TMEM131: variants seen among roughly 807,000 people sequenced by gnomAD.
TMEM131 encodes transmembrane protein 131.
A neutral mutation model predicts 211.6 loss-of-function variants in TMEM131; 66 were observed. The observed-to-expected ratio is 0.31, with a 90% CI of 0.26 to 0.38. TMEM131 has a LOEUF of 0.38. Among genes scored for constraint, TMEM131 ranks in the 10% least tolerant of loss-of-function variants. TMEM131 has a pLI of 1.00. For synonymous variants in TMEM131, 844 were observed against 841.3 expected, an observed-to-expected ratio of 1.00 and a Z score of -0.06; for missense variants, 2,036 against 2,299.3, an observed-to-expected ratio of 0.89 and a Z score of 2.34.
intron 1 of TMEM131, among the ~76,000 whole-genome samples, chr2:97,985,472 A>C (rs1679985375): frequency 6.6e-6 from 1 of 152,120 alleles, no homozygotes; most frequent in South Asian, 2.1e-4. Flanking sequence ...TTGTAACCAA[A>C]AAGCAAATAG....
chr2:97,791,270 A>T (rs922067352), intron 31 of TMEM131, among the ~76,000 whole-genome samples: 21 of 152,316 alleles, frequency 1.4e-4, no homozygotes, highest in African/African-American at 4.8e-4. Context: ...CTTGGTATTT[A>T]TGCCCTTGCG....
chr2:97,895,442 G>A (rs1223939050), intron 3 of TMEM131, among the ~76,000 whole-genome samples: 2 of 152,186 alleles, frequency 1.3e-5, no homozygotes, highest in Non-Finnish European at 2.9e-5. Flanking sequence ...CAGAAGGAAT[G>A]GTACCAGCTC....
At chr2:97,841,595 C>A (rs1351577578) in intron 7 of TMEM131, among the ~76,000 whole-genome samples, 2 of 151,848 alleles carry the variant, frequency 1.3e-5, no homozygotes, top group Non-Finnish European at 2.9e-5. Flanking sequence ...AAAAATGATT[C>A]AAAAAATTCA....
chr2:97,758,225 C>T (rs1027763519), intron 40 of TMEM131, among the ~76,000 whole-genome samples: 1 of 151,878 alleles, frequency 6.6e-6, no homozygotes, highest in Non-Finnish European at 1.5e-5. Context: ...ATGAAGACAA[C>T]CTTTGGAATC....
At chr2:97,958,239 T>C (rs544116924) in intron 1 of TMEM131, among the ~76,000 whole-genome samples, 1 of 152,312 alleles carries the variant, frequency 6.6e-6, no homozygotes, top group South Asian at 2.1e-4. Flanking sequence ...GGAAGTTGTG[T>C]GCTATTTTTC....
chr2:97,873,992 T>C lies in TMEM131; in HGVS notation c.359+14060A>G, dbSNP rs138361366. ...AACTTTGAAAAAAAGGTTAGACAAA[T>C]TGTTAACTAGAATAACCAGTGTAGA... On this transcript the variant is annotated intron_variant, in intron 4 of 40. Transcript: ENST00000186436. 2.3e-3 allele frequency among the ~76,000 whole-genome samples: 346 copies of C among 152,282 alleles called. 2 individuals are homozygous for C. The highest frequency in any genetic ancestry group is 7.4e-3 in the African/African-American group (309 of 41,552).
chr2:97,968,546 G>T (rs573994020), intron 1 of TMEM131, among the ~76,000 whole-genome samples: 4 of 152,236 alleles, frequency 2.6e-5, no homozygotes, highest in African/African-American at 9.6e-5. Flanking sequence ...CGGAAAATGA[G>T]TTCTCCCTTT....
intron 3 of TMEM131, among the ~76,000 whole-genome samples, chr2:97,893,647 G>T (rs1675477728): frequency 6.6e-6 from 1 of 152,166 alleles, no homozygotes; most frequent in Admixed American, 6.5e-5. Flanking sequence ...GACCAGTGAT[G>T]ATGAGCTTTT....
intron 1 of TMEM131, among the ~76,000 whole-genome samples, chr2:97,971,154 A>G (rs1222018410): frequency 6.6e-6 from 1 of 152,216 alleles, no homozygotes; most frequent in Non-Finnish European, 1.5e-5. Context: ...CTATACATAA[A>G]TTATTCCATC....
Position 97,796,383 on chromosome 2 carries a change from T to C in TMEM131, c.3035A>G (p.Asn1012Ser). The change falls in exon 28 of 41, where the codon AAT (asparagine) becomes AGT (serine). Residue 1012 changes from asparagine to serine, a missense_variant. Asn to Ser is a conservative substitution (Grantham distance 46, BLOSUM62 1). This residue lies in a region of TMEM131 where 1,623 missense variants were observed against 1,805.9 expected (regional missense o/e 0.90). Transcript: ENST00000186436. ...CTDSLKLREPNFTLKRTFKVE... is the reference protein window; with the variant it reads ...CTDSLKLREPSFTLKRTFKVE... The stretch of plus-strand genomic sequence containing the variant: ...CTTAAATGTTCTTTTCAATGTGAAA[T>C]TTGGTTCTCTTAGTTTTAAACCTAA... The C allele has an allele frequency of 6.5e-7, 1 of 1,527,124 alleles. No individual in the cohort carries two copies. The highest frequency in any genetic ancestry group is 8.8e-7 in the Non-Finnish European group (1 of 1,140,092). The allele number at this position is 1,527,124 out of a possible 1,614,324, so 94.6% of individuals were successfully genotyped here.
intron 2 of TMEM131, among the ~76,000 whole-genome samples, chr2:97,919,847 G>T (rs1676668959): frequency 6.6e-6 from 1 of 152,188 alleles, no homozygotes; most frequent in Non-Finnish European, 1.5e-5. Context: ...TGGGATTACA[G>T]GCATGAACTA....
intron 1 of TMEM131, among the ~76,000 whole-genome samples, chr2:97,983,486 A>T (rs555099327): frequency 6.6e-6 from 1 of 152,268 alleles, no homozygotes; most frequent in South Asian, 2.1e-4. Context: ...ATAATCTGCA[A>T]TTGTCTTGCT....
chr2:97,852,872 C>T (rs1292523759), intron 5 of TMEM131, among the ~76,000 whole-genome samples: 2 of 152,194 alleles, frequency 1.3e-5, no homozygotes, highest in East Asian at 1.9e-4. Flanking sequence ...GCTCATCTGC[C>T]ATTCTGAAAA....
intron 1 of TMEM131, among the ~76,000 whole-genome samples, chr2:97,954,883 C>A (rs1266361300): frequency 1.4e-5 from 2 of 146,852 alleles, no homozygotes; most frequent in African/African-American, 5.0e-5. Context: ...AATGGCTTTA[C>A]TGGAAAATTT....
chr2:97,921,543 T>C (rs1257314996), intron 2 of TMEM131, among the ~76,000 whole-genome samples: 1 of 152,210 alleles, frequency 6.6e-6, no homozygotes, highest in Non-Finnish European at 1.5e-5. Flanking sequence ...AAAGTCACCA[T>C]TACATAAGCC....
intron 2 of TMEM131, among the ~76,000 whole-genome samples, chr2:97,919,673 C>T (rs1033772909): frequency 3.3e-5 from 5 of 152,102 alleles, no homozygotes; most frequent in African/African-American, 1.2e-4. Flanking sequence ...CGGGTTCAAG[C>T]GATACTCCTG....
chr2:97,908,552 C>T (rs1236182120), intron 3 of TMEM131, 106 bp downstream of exon 3: 1 of 769,038 alleles, frequency 1.3e-6, no homozygotes, highest in African/African-American at 1.8e-5. Flanking sequence ...TTACAATTTG[C>T]TATTCCTTCT....
At chr2:97,926,289 C>T (rs1422395092) in intron 2 of TMEM131, among the ~76,000 whole-genome samples, 1 of 152,074 alleles carries the variant, frequency 6.6e-6, no homozygotes, top group African/African-American at 2.4e-5. Flanking sequence ...ATATATTCTG[C>T]CATAGAAATG....
At chr2:97,819,745 C>T (rs11899171) in intron 11 of TMEM131, among the ~76,000 whole-genome samples, 114,253 of 152,166 alleles carry the variant, frequency 0.75, 44,592 homozygotes, top group African/African-American at 0.87. Context: ...TGCTATTTCC[C>T]GGAGAAAAGA....
Sources: gnomAD v4.1 joint callset for allele counts (sites outside exome capture counted in the v4.1 genomes callset) on GRCh38, gnomAD v4.1.1 for gene constraint, gnomAD v4.1.1 regional missense constraint, MANE v1.5 for transcripts, NCBI Gene and HGNC (gene_info 2026-07-23, HGNC 2026-07-21) for gene names.